Variants in TIAM2 observed in about 807,000 individuals in gnomAD.
The protein encoded by TIAM2 is rho guanine nucleotide exchange factor TIAM2.
A neutral mutation model predicts 152.9 loss-of-function variants in TIAM2; 80 were observed. The observed-to-expected ratio is 0.52, with a 90% CI of 0.44 to 0.63. The LOEUF is 0.63. TIAM2 is among the 30% of genes least tolerant of loss of function. TIAM2 has a pLI of 0.00. For synonymous variants in TIAM2, 804 were observed against 838.0 expected (o/e 0.96, Z 0.70); for missense variants, 1,965 against 2,120.1 (o/e 0.93, Z 1.44).
chr6:155,036,193 T>G (rs1206807391), intron 1 of TIAM2, among the ~76,000 whole-genome samples: 1 of 152,162 alleles, frequency 6.6e-6, no homozygotes, highest in African/African-American at 2.4e-5. Flanking sequence ...AGGGTAGTAA[T>G]GTCCTGTGCT....
At chr6:155,172,663 TATATATATATATATATATATA>T (rs1780627868) in intron 9 of TIAM2, among the ~76,000 whole-genome samples, 4 of 7,960 alleles carry the variant, frequency 5.0e-4, no homozygotes, top group Admixed American at 1.1e-3. Context: ...TATATATATA[TATATATATATATATATATATA>T]TATTTTTTTT....
chr6:155,050,310 G>A (rs1467086918), intron 1 of TIAM2, among the ~76,000 whole-genome samples: 1 of 152,144 alleles, frequency 6.6e-6, no homozygotes, highest in Non-Finnish European at 1.5e-5. Flanking sequence ...ACAGGTGTGA[G>A]CCACCACAAC....
chr6:155,130,029 C>A lies in TIAM2; in HGVS notation c.806C>A (p.Ala269Asp). The A allele has an allele frequency of 1.2e-6, 2 of 1,614,044 alleles. No homozygotes were observed. The highest frequency in any genetic ancestry group is 1.7e-6 in the Non-Finnish European group (2 of 1,180,032). ...AGCGAGGCTGAGGGCTCCTTCCTGG[C>A]CCCCGGCATGCCTGACCCCAGTCTC... ...ELSEAEGSFL[A>D]PGMPDPSLHA... Residue 269 changes from alanine (A) to aspartate (D), a missense_variant, in exon 4 of 27, where the codon GCC becomes GAC. Coordinates refer to ENST00000682666, the MANE Select transcript of TIAM2 (RefSeq NM_012454.4).
chr6:155,139,247 G>A (rs1459521055), intron 5 of TIAM2, among the ~76,000 whole-genome samples: 1 of 152,212 alleles, frequency 6.6e-6, no homozygotes, highest in South Asian at 2.1e-4. Context: ...ACCGTGGAGG[G>A]CAGGCATCAT....
Position 155,228,429 on chromosome 6 carries a change from G to A in TIAM2, c.3169-12101G>A, listed in dbSNP as rs7738737. ...AAAGAAAAAAGTCTCAACTCAATAC[G>A]GTCTCAGAGTATGTAACACTGAAGA... On this transcript the variant is annotated intron_variant, in intron 15 of 26. Coordinates refer to ENST00000682666, the MANE Select transcript of TIAM2 (RefSeq NM_012454.4). Among the ~76,000 whole-genome samples the A allele has an allele frequency of 5.3e-5, 8 of 152,046 alleles. 1 individual carries two copies. The highest frequency in any genetic ancestry group is 7.2e-5 in the African/African-American group (3 of 41,380).
intron 5 of TIAM2, among the ~76,000 whole-genome samples, chr6:155,140,473 G>A (rs978895880): frequency 6.6e-6 from 1 of 151,982 alleles, no homozygotes; most frequent in Non-Finnish European, 1.5e-5. Context: ...TTTCTTCCCT[G>A]CCTGTCTATG....
At chr6:155,143,480 C>A (rs969249785) in intron 5 of TIAM2, among the ~76,000 whole-genome samples, 3 of 151,040 alleles carry the variant, frequency 2.0e-5, no homozygotes, top group Admixed American at 6.6e-5. Context: ...CTATTAGTTT[C>A]ACTTTTCTCC....
rs1583257359 is a variant in TIAM2 at position 155,219,629 on chromosome 6, A to ATT, written c.3168+8322_3168+8323insTT. On this transcript the variant is annotated intron_variant, in intron 15 of 26. Transcript: ENST00000682666. ...TGTAGTGAGTTGGATTTTTTTTTAA[A>ATT]AAATTTCCTATTTTCCGTGCTCCAG... Among the ~76,000 whole-genome samples the ATT allele has an allele frequency of 5.8e-4, 88 of 150,682 alleles. No homozygotes were observed. In the East Asian group the frequency reaches 0.012, roughly 21 times the overall value.
intron 1 of TIAM2, among the ~76,000 whole-genome samples, chr6:155,029,391 A>AT (rs1554225469): frequency 7.3e-5 from 4 of 54,572 alleles, no homozygotes; most frequent in African/African-American, 3.3e-4. Flanking sequence ...TATGTTATAT[A>AT]TATACTATAG....
chr6:155,148,652 A>G (rs1335069344), intron 7 of TIAM2, among the ~76,000 whole-genome samples: 4 of 152,194 alleles, frequency 2.6e-5, no homozygotes, highest in African/African-American at 9.7e-5. Context: ...CATTTTCTGA[A>G]CAAAATCCAT....
chr6:155,056,481 C>A (rs930634394), intron 1 of TIAM2, among the ~76,000 whole-genome samples: 4 of 146,922 alleles, frequency 2.7e-5, no homozygotes, highest in African/African-American at 7.5e-5. Flanking sequence ...CCTTATGGTT[C>A]TTCTTTTGAG....
chr6:155,115,904 G>C (rs1778999096), intron 2 of TIAM2, among the ~76,000 whole-genome samples: 1 of 152,174 alleles, frequency 6.6e-6, no homozygotes, highest in Non-Finnish European at 1.5e-5. Context: ...CTGAGATCAG[G>C]AGTTTGAGAC....
chr6:155,101,631 G>A (rs1384348758), intron 2 of TIAM2, among the ~76,000 whole-genome samples: 1 of 152,172 alleles, frequency 6.6e-6, no homozygotes, highest in Non-Finnish European at 1.5e-5. Context: ...TAAAGAATAT[G>A]GAAGGAGTTT....
chr6:155,006,522 C>T (rs117050168), intron 1 of TIAM2, among the ~76,000 whole-genome samples: 5 of 151,532 alleles, frequency 3.3e-5, no homozygotes, highest in East Asian at 2.0e-4. Flanking sequence ...CAAAAATTAC[C>T]GGGTGTGGTG....
intron 1 of TIAM2, among the ~76,000 whole-genome samples, chr6:155,029,007 ATAC>A (rs1318116145): frequency 7.8e-6 from 1 of 128,302 alleles, no homozygotes; most frequent in Non-Finnish European, 1.6e-5. Flanking sequence ...TATACTATAT[ATAC>A]TATGTTATAT....
rs762200760 is a variant in TIAM2, at chr6:155,023,042, G to GTTTT, written c.-209+27565_-209+27568dup. Among the ~76,000 whole-genome samples the GTTTT allele has an allele frequency of 2.5e-4, 22 of 88,304 alleles. 1 individual carries two copies. The highest frequency in any genetic ancestry group is 7.6e-4 in the East Asian group (2 of 2,644). 57.9% of individuals were successfully genotyped at this position (88,304 alleles called of 152,430 possible). The stretch of plus-strand genomic sequence containing the variant: ...GAAGGAGGGACTCATTTTTTGTTCT[G>GTTTT]TTTTTTTTTTTTTTTTTTCCCTTGG... On this transcript the variant is annotated intron_variant, in intron 1 of 26. Transcript: ENST00000682666.
intron 2 of TIAM2, among the ~76,000 whole-genome samples, chr6:155,106,745 G>A (rs1392798052): frequency 6.6e-6 from 1 of 152,234 alleles, no homozygotes; most frequent in Non-Finnish European, 1.5e-5. Context: ...TGACTTGGGA[G>A]CCGTGTTCCT....
rs1338252513 is a variant in TIAM2, at chr6:155,182,332, A to G, written c.2800+14A>G. 7 of 1,600,602 alleles carry G rather than the reference A, an allele frequency of 4.4e-6. No individual in the cohort carries two copies. The highest frequency in any genetic ancestry group is 5.1e-6 in the Non-Finnish European group (6 of 1,167,926). ...CGTATGGGGAAGGTCCGTGTGGCAC[A>G]CCGTGCCCCTGTTGCCTCTTAATTT... On this transcript the variant is annotated intron_variant, in intron 13 of 26. Coordinates refer to ENST00000682666, the MANE Select transcript of TIAM2 (RefSeq NM_012454.4).
intron 2 of TIAM2, among the ~76,000 whole-genome samples, chr6:155,111,298 TACACACACACACACACACACACAC>T (rs57988099): frequency 2.6e-4 from 36 of 138,328 alleles, no homozygotes; most frequent in Admixed American, 1.3e-3. Flanking sequence ...ATTCTTGGAA[TACACACACACACACACACACACAC>T]ACACACACAC....
Sources: gnomAD v4.1 joint callset for allele counts (sites outside exome capture counted in the v4.1 genomes callset) on GRCh38, gnomAD v4.1.1 for gene constraint, MANE v1.5 for transcripts, NCBI Gene and HGNC (gene_info 2026-07-23, HGNC 2026-07-21) for gene names.